The following EDIL3 variants were observed in gnomAD, a reference collection of about 807,000 sequenced individuals.
EDIL3 encodes EGF-like repeat and discoidin I-like domain-containing protein 3.
EDIL3 carries 37 observed loss-of-function variants against 67.4 expected under a neutral mutation model. The observed-to-expected ratio is 0.55, with a 90% confidence interval of 0.42 to 0.72. The LOEUF is 0.72. Ranked by LOEUF, EDIL3 falls within the 30% of genes least tolerant of loss-of-function variation. The pLI is 0.00. For missense variants in EDIL3, 527 were observed against 586.3 expected (o/e 0.90, Z 1.04); for synonymous variants, 195 against 196.3 (o/e 0.99, Z 0.05).
intron 4 of EDIL3, among the ~76,000 whole-genome samples, chr5:84,147,673 A>C (rs1397412431): frequency 6.6e-6 from 1 of 152,050 alleles, no homozygotes; most frequent in East Asian, 1.9e-4. Context: ...GAATGAAATA[A>C]AACCTTCAGT....
At chr5:84,010,411 G>T (rs1745497240) in intron 9 of EDIL3, among the ~76,000 whole-genome samples, 1 of 151,932 alleles carries the variant, frequency 6.6e-6, no homozygotes, top group African/African-American at 2.4e-5. Flanking sequence ...ACTGTGCAAG[G>T]CTGCTAATTT....
intron 1 of EDIL3, among the ~76,000 whole-genome samples, chr5:84,324,644 A>C (rs138806605): frequency 1.0e-3 from 156 of 151,980 alleles, no homozygotes; most frequent in African/African-American, 3.7e-3. Context: ...AAAAAAATCA[A>C]GAAGTTTAAT....
intron 1 of EDIL3, among the ~76,000 whole-genome samples, chr5:84,298,609 G>A (rs186001552): frequency 1.5e-3 from 229 of 152,262 alleles, no homozygotes; most frequent in Middle Eastern, 3.4e-3. Context: ...TCCTGCACAT[G>A]TACCCTGAAA....
At chr5:84,306,282 G>T (rs1340292828) in intron 1 of EDIL3, among the ~76,000 whole-genome samples, 1 of 152,140 alleles carries the variant, frequency 6.6e-6, no homozygotes, top group Non-Finnish European at 1.5e-5. Context: ...GCTGCAACCA[G>T]CCTGAAAATG....
intron 6 of EDIL3, among the ~76,000 whole-genome samples, chr5:84,094,641 T>C (rs950734837): frequency 1.9e-4 from 29 of 152,128 alleles, no homozygotes; most frequent in African/African-American, 7.0e-4. Flanking sequence ...TGAAATGAAA[T>C]AGATGATTAG....
intron 1 of EDIL3, among the ~76,000 whole-genome samples, chr5:84,380,693 T>C (rs1163196555): frequency 6.6e-6 from 1 of 152,094 alleles, no homozygotes; most frequent in Non-Finnish European, 1.5e-5. Context: ...GTTCATCCCA[T>C]TATGCAAAAT....
chr5:84,053,793 C>A (rs916260237), intron 9 of EDIL3, among the ~76,000 whole-genome samples: 5 of 152,192 alleles, frequency 3.3e-5, no homozygotes, highest in East Asian at 3.9e-4. Flanking sequence ...CAATAACAGG[C>A]TCTGAAATTG....
intron 1 of EDIL3, among the ~76,000 whole-genome samples, chr5:84,322,601 G>A (rs1746671817): frequency 6.6e-6 from 1 of 152,044 alleles, no homozygotes; most frequent in African/African-American, 2.4e-5. Context: ...CTTACACATT[G>A]TGGAAATCTT....
intron 4 of EDIL3, among the ~76,000 whole-genome samples, chr5:84,172,697 T>C (rs1002613698): frequency 3.9e-5 from 6 of 152,208 alleles, no homozygotes; most frequent in African/African-American, 1.4e-4. Context: ...AAGTATACTG[T>C]ACAACCACCA....
At chr5:84,001,284 G>C (rs1296517731) in intron 9 of EDIL3, among the ~76,000 whole-genome samples, 1 of 151,960 alleles carries the variant, frequency 6.6e-6, no homozygotes, top group East Asian at 1.9e-4. Context: ...TCAGACCTCA[G>C]GTGATCTGCC....
intron 1 of EDIL3, among the ~76,000 whole-genome samples, chr5:84,299,530 T>C (rs1476288916): frequency 6.6e-6 from 1 of 152,160 alleles, no homozygotes; most frequent in African/African-American, 2.4e-5. Flanking sequence ...TTTCCCCCTA[T>C]AATGGAAAAA....
intron 9 of EDIL3, among the ~76,000 whole-genome samples, chr5:84,020,821 A>G (rs1745702041): frequency 6.6e-6 from 1 of 152,088 alleles, no homozygotes; most frequent in South Asian, 2.1e-4. Context: ...CCTAACTGAA[A>G]AGGCTACAAA....
intron 5 of EDIL3, among the ~76,000 whole-genome samples, chr5:84,107,045 A>T (rs1392741403): frequency 6.6e-6 from 1 of 152,066 alleles, no homozygotes; most frequent in African/African-American, 2.4e-5. Context: ...CTTTGAAAGT[A>T]GTCACTTAAT....
At chr5:84,104,810 T>C (rs1266687939) in intron 6 of EDIL3, among the ~76,000 whole-genome samples, 1 of 152,034 alleles carries the variant, frequency 6.6e-6, no homozygotes, top group East Asian at 1.9e-4. Context: ...GAATGATGCA[T>C]AGTGTTAAGT....
chr5:84,356,606 A>C (rs1747486976), intron 1 of EDIL3, among the ~76,000 whole-genome samples: 2 of 152,204 alleles, frequency 1.3e-5, no homozygotes, highest in Admixed American at 6.5e-5. Flanking sequence ...CAGATAATCC[A>C]GGATAATCTC....
chr5:84,324,041 C>A (rs754470791), intron 1 of EDIL3, among the ~76,000 whole-genome samples: 1 of 151,764 alleles, frequency 6.6e-6, no homozygotes, highest in Non-Finnish European at 1.5e-5. Context: ...AGGACTTAAT[C>A]AACAGAATAC....
intron 9 of EDIL3, among the ~76,000 whole-genome samples, chr5:84,059,518 T>C (rs1652692396): frequency 2.0e-5 from 3 of 152,146 alleles, no homozygotes; most frequent in Admixed American, 6.5e-5. Flanking sequence ...AGGGGTGGAA[T>C]TTGCTATTTT....
chr5:84,207,798 A>AGGATT (rs1744016980), intron 3 of EDIL3, among the ~76,000 whole-genome samples: 1 of 151,790 alleles, frequency 6.6e-6, no homozygotes, highest in African/African-American at 2.4e-5. Flanking sequence ...CAATGGGGAA[A>AGGATT]GGATTCCCTA....
intron 9 of EDIL3, among the ~76,000 whole-genome samples, chr5:83,999,703 A>G (rs1473949925): frequency 6.6e-6 from 1 of 152,164 alleles, no homozygotes; most frequent in African/African-American, 2.4e-5. Flanking sequence ...GAGAAAGTAA[A>G]GGAGATAGGA....
Sources: gnomAD v4.1 joint callset for allele counts (sites outside exome capture counted in the v4.1 genomes callset) on GRCh38, gnomAD v4.1.1 for gene constraint, MANE v1.5 for transcripts, NCBI Gene and HGNC (gene_info 2026-07-23, HGNC 2026-07-21) for gene names.